Variants in CASTOR2 observed in about 807,000 individuals in gnomAD.
CASTOR2 encodes the protein GATS protein like 2.
In CASTOR2, 8 loss-of-function variants were observed where a neutral mutation model predicts 31.2. The ratio of observed to expected loss-of-function variants is 0.26; its 90% CI spans 0.15 to 0.46. CASTOR2 has a LOEUF of 0.46. Ranked by LOEUF, CASTOR2 falls within the 20% of genes least tolerant of loss-of-function variation. CASTOR2 has a pLI of 0.99. For missense variants in CASTOR2, 216 were observed against 382.1 expected (o/e 0.57, Z 3.62); for synonymous variants, 162 against 158.7 (o/e 1.02, Z -0.16).
At chr7:75,020,245 G>A (rs1351654184) in intron 6 of CASTOR2, 96 bp downstream of exon 6, 1 of 1,241,212 alleles carries the variant, frequency 8.1e-7, no homozygotes, top group Non-Finnish European at 1.1e-6. Context: ...TCTTTTATTT[G>A]TTGTTGTTTT....
chr7:75,029,362 CTTTTTTTT>C lies in CASTOR2; in HGVS notation c.*4675_*4682del, dbSNP rs1177516960. ...CACCTCAGCCCTGCAATGGGGGGAT[CTTTTTTTT>C]TTTTTTTTTTTGAGACAGGCTGGAG... On this transcript the variant is annotated 3_prime_UTR_variant, in exon 9 of 9. Transcript: ENST00000616305. 7.9e-6 allele frequency among the ~76,000 whole-genome samples: 1 copy of C among 126,194 alleles called. No homozygotes were observed. The highest frequency in any genetic ancestry group is 2.9e-5 in the African/African-American group (1 of 33,944). 82.8% of individuals were successfully genotyped at this position (126,194 alleles called of 152,430 possible).
chr7:75,024,331 G>A, intron 7 of CASTOR2, 109 bp from the exon 8 acceptor site: 1 of 1,051,938 alleles, frequency 9.5e-7, no homozygotes. Context: ...TCTCTAGGAG[G>A]ATGGTGGGTG....
chr7:75,026,893 C>T lies in CASTOR2; in HGVS notation c.*2194C>T, dbSNP rs946294381. 0.012 allele frequency among the ~76,000 whole-genome samples: 1,789 copies of T among 152,214 alleles called. 14 individuals carry two copies. Among genetic ancestry groups the T allele is most frequent in the Non-Finnish European group, 0.02 (1,334 of 68,004 alleles). ...TGTGTCGGCCCCGTGACCCCAGAGT[C>T]GTGTGTCCCCTAGACTTCCTAGGAC... On this transcript the variant is annotated 3_prime_UTR_variant, in exon 9 of 9. Coordinates refer to ENST00000616305, the MANE Select transcript of CASTOR2 (RefSeq NM_001145064.3).
In CASTOR2 at chr7:75,029,484, C is replaced by G. The variant is rs1805238910; in HGVS notation, c.*4785C>G. ...TCAGCCTCCCAAGTAGCTGGGATTA[C>G]AGGCACCCACCACCACGCTCGGCTA... On this transcript the variant is annotated 3_prime_UTR_variant, in exon 9 of 9. Transcript: ENST00000616305. 6.6e-6 allele frequency among the ~76,000 whole-genome samples: 1 copy of G among 151,546 alleles called. No individual in the cohort carries two copies.
intron 1 of CASTOR2, among the ~76,000 whole-genome samples, chr7:74,992,794 T>C (rs1472662021): frequency 6.6e-6 from 1 of 152,072 alleles, no homozygotes; most frequent in Non-Finnish European, 1.5e-5. Context: ...TCCCAGCTAC[T>C]TGGGAGGCTG....
chr7:75,023,414 G>A (rs1022554872), intron 7 of CASTOR2, among the ~76,000 whole-genome samples: 12 of 150,602 alleles, frequency 8.0e-5, no homozygotes, highest in Non-Finnish European at 1.6e-4. Flanking sequence ...TCTTTCCTCT[G>A]TTTCCACAGT....
At position 75,021,972 on chromosome 7, in the gene CASTOR2, A is replaced by AAG. The variant is rs1805015802; in HGVS notation, c.829+16_829+17insAG. On this transcript the variant is annotated intron_variant, in intron 7 of 8. Transcript: ENST00000616305. ...CTGGGGTTTGGTGAGTCCTGGGGGG[A>AAG]TTACATGGGGAATTGAGGGAGCTGG... The AAG allele has an allele frequency of 7.5e-4, 1,168 of 1,550,978 alleles. 22 individuals are homozygous for AAG. The South Asian group carries it at 0.013, about 18-fold the overall frequency.
In CASTOR2 at chr7:75,020,338, G is replaced by A. The variant is rs898969608; in HGVS notation, c.746+189G>A. ...GCTCAAGGCAACCTCCACCTCTCAGGTTCAAGCAATTCTCCTGCCTCAGCT... is the reference window on the plus strand; with the variant it reads ...GCTCAAGGCAACCTCCACCTCTCAGATTCAAGCAATTCTCCTGCCTCAGCT... On this transcript the variant is annotated intron_variant, in intron 6 of 8. Transcript: ENST00000616305. Among the ~76,000 whole-genome samples, 9 of 152,052 alleles carry A rather than the reference G, an allele frequency of 5.9e-5. No homozygotes were observed. The South Asian group carries it at 6.2e-4, about 11-fold the overall frequency.
intron 1 of CASTOR2, among the ~76,000 whole-genome samples, chr7:74,987,229 A>AC (rs1804088496): frequency 6.6e-6 from 1 of 151,900 alleles, no homozygotes; most frequent in Non-Finnish European, 1.5e-5. Context: ...ACATGGTGAA[A>AC]CCCCATCTCT....
intron 1 of CASTOR2, among the ~76,000 whole-genome samples, chr7:74,998,367 G>T (rs1804403988): frequency 6.6e-6 from 1 of 152,194 alleles, no homozygotes; most frequent in East Asian, 1.9e-4. Flanking sequence ...ACTTTGGGAG[G>T]CTGAGGTGGG....
intron 1 of CASTOR2, among the ~76,000 whole-genome samples, chr7:74,999,642 G>C (rs1344259975): frequency 1.1e-5 from 1 of 88,870 alleles, no homozygotes; most frequent in Non-Finnish European, 1.9e-5. Context: ...TTTTTGAGAC[G>C]GAATCTCGCT....
chr7:74,986,920 G>A (rs1432091229), intron 1 of CASTOR2, among the ~76,000 whole-genome samples: 1 of 152,086 alleles, frequency 6.6e-6, no homozygotes, highest in Non-Finnish European at 1.5e-5. Flanking sequence ...GCCAGGTGTG[G>A]TGGCACACGC....
chr7:74,979,971 C>CCA (rs1803913150), intron 1 of CASTOR2, among the ~76,000 whole-genome samples: 2 of 15,584 alleles, frequency 1.3e-4, no homozygotes. Flanking sequence ...ATCCAAATTC[C>CCA]CACAACCCAC....
chr7:75,020,217 G>GT, intron 6 of CASTOR2, 68 bp downstream of exon 6: 5 of 1,340,034 alleles, frequency 3.7e-6, no homozygotes, highest in Non-Finnish European at 3.1e-6. Context: ...ACTATGTGAT[G>GT]GCACATCACC....
At chr7:74,977,388 AT>A (rs1183100591) in intron 1 of CASTOR2, among the ~76,000 whole-genome samples, 8 of 143,408 alleles carry the variant, frequency 5.6e-5, no homozygotes, top group Non-Finnish European at 1.1e-4. Context: ...TTTGAAAAGC[AT>A]TTTTTTTTTG....
intron 1 of CASTOR2, among the ~76,000 whole-genome samples, chr7:75,006,712 T>G (rs1804613412): frequency 1.3e-5 from 2 of 152,156 alleles, no homozygotes; most frequent in African/African-American, 4.8e-5. Context: ...ACTGTTCTCC[T>G]GGCAGTGAAT....
At chr7:74,989,521 G>A (rs1403222790) in intron 1 of CASTOR2, among the ~76,000 whole-genome samples, 4 of 151,440 alleles carry the variant, frequency 2.6e-5, no homozygotes, top group Middle Eastern at 3.4e-3. Flanking sequence ...ACCCAGGCTC[G>A]AGCAATCCTC....
Position 75,028,160 on chromosome 7 carries a change from C to A in CASTOR2, c.*3461C>A. 1.5e-6 allele frequency: 2 copies of A among 1,321,830 alleles called. No homozygotes were observed. The highest frequency in any genetic ancestry group is 1.0e-6 in the Non-Finnish European group (1 of 988,568). The allele number at this position is 1,321,830 out of a possible 1,614,324, so 81.9% of individuals were successfully genotyped here. On this transcript the variant is annotated 3_prime_UTR_variant, in exon 9 of 9. Coordinates refer to ENST00000616305, the MANE Select transcript of CASTOR2 (RefSeq NM_001145064.3). ...TGAGACGGAGTCTTGCTCTGTCGCC[C>A]AGGCTGGAGTGCTGTGGCATGATCT...
At position 75,029,254 on chromosome 7, in the gene CASTOR2, C is replaced by G. The variant is rs1206102828; in HGVS notation, c.*4555C>G. On this transcript the variant is annotated 3_prime_UTR_variant, in exon 9 of 9. Transcript: ENST00000616305. ...GGAGTCCTAAGGCCACCCTGGGCCC[C>G]TTTCTGAGCCTAGAGATCTGGATGT... Among the ~76,000 whole-genome samples, 1 of 152,178 alleles carries G rather than the reference C, an allele frequency of 6.6e-6. No individual in the cohort carries two copies. Among genetic ancestry groups the G allele is most frequent in the Non-Finnish European group, 1.5e-5 (1 of 68,032 alleles).
Sources: allele counts gnomAD v4.1 joint callset (sites outside exome capture counted in the v4.1 genomes callset), GRCh38; gene constraint gnomAD v4.1.1; transcripts MANE v1.5; gene names NCBI Gene and HGNC (gene_info 2026-07-23, HGNC 2026-07-21).